CYTH3: variants seen among roughly 807,000 people sequenced by gnomAD.
CYTH3 encodes cytohesin-3.
In CYTH3, 23 loss-of-function variants were observed where a neutral mutation model predicts 55.1. The observed-to-expected ratio is 0.42, with a 90% confidence interval of 0.30 to 0.59. CYTH3 has a LOEUF of 0.59. Ranked by LOEUF, CYTH3 falls within the 20% of genes least tolerant of loss-of-function variation. The probability of loss-of-function intolerance (pLI) is 0.20; values close to 1 mark genes in which losing one functional copy is unlikely to be tolerated. For synonymous variants in CYTH3, 249 were observed against 194.9 expected (o/e 1.28, Z -2.31); for missense variants, 413 against 524.8 (o/e 0.79, Z 2.08).
chr7:6,165,056 GAC>G (rs770821944), intron 12 of CYTH3, 40 bp from the exon 13 acceptor site: 3 of 1,610,138 alleles, frequency 1.9e-6, no homozygotes, highest in African/African-American at 1.3e-5. Flanking sequence ...GGTCGTGGGT[GAC>G]ACACAGACCT....
intron 1 of CYTH3, among the ~76,000 whole-genome samples, chr7:6,191,698 G>A (rs1237910167): frequency 6.7e-6 from 1 of 148,908 alleles, no homozygotes; most frequent in Non-Finnish European, 1.5e-5. Flanking sequence ...TGGGTTCACT[G>A]CACTCAGCCA....
chr7:6,189,183 C>A (rs1175204369), intron 2 of CYTH3, among the ~76,000 whole-genome samples: 1 of 152,232 alleles, frequency 6.6e-6, no homozygotes, highest in Non-Finnish European at 1.5e-5. Flanking sequence ...ATCACAGGCT[C>A]TCCCACGCCG....
intron 1 of CYTH3, among the ~76,000 whole-genome samples, chr7:6,235,518 C>T (rs2128554345): frequency 6.6e-6 from 1 of 151,764 alleles, no homozygotes; most frequent in South Asian, 2.1e-4. Flanking sequence ...AGATCATGCA[C>T]CACATCTCAG....
chr7:6,247,506 C>CA (rs1273225991), intron 1 of CYTH3, among the ~76,000 whole-genome samples: 38 of 152,222 alleles, frequency 2.5e-4, no homozygotes, highest in African/African-American at 9.2e-4. Flanking sequence ...TCTTTACGAA[C>CA]AACATTTATT....
intron 1 of CYTH3, among the ~76,000 whole-genome samples, chr7:6,264,505 G>C (rs575139251): frequency 6.6e-6 from 1 of 151,564 alleles, no homozygotes; most frequent in Non-Finnish European, 1.5e-5. Flanking sequence ...CCAGCTACTC[G>C]GAAGGCTGAG....
chr7:6,204,129 T>G (rs1420799904), intron 1 of CYTH3, among the ~76,000 whole-genome samples: 1 of 152,222 alleles, frequency 6.6e-6, no homozygotes, highest in Non-Finnish European at 1.5e-5. Context: ...AAGGATTCAT[T>G]GCCCCTGGTT....
chr7:6,170,410 G>A lies in CYTH3; in HGVS notation c.823+125C>T, dbSNP rs532783560. The A allele has an allele frequency of 2.3e-6, 2 of 873,958 alleles. No individual in the cohort carries two copies. The highest frequency in any genetic ancestry group is 3.3e-4 in the Middle Eastern group (1 of 3,006). 54.1% of individuals were successfully genotyped at this position (873,958 alleles called of 1,614,324 possible). A position where few individuals can be genotyped will look rare whatever the true frequency, so the allele number is the denominator to read the frequency against. On this transcript the variant is annotated intron_variant, in intron 9 of 12. Coordinates refer to ENST00000350796, the MANE Select transcript of CYTH3 (RefSeq NM_004227.4). The surrounding 1 kb of genome is among the most constrained non-coding windows in gnomAD (Gnocchi z 7.8). The stretch of plus-strand genomic sequence containing the variant: ...ACCGAGAGCGGGCTCTGGCTTAACC[G>A]CGTTTCTTTTTAACGTCTCTGCCTG...
rs1344036592 is a variant in CYTH3, at chr7:6,164,865, A to C, written c.*79T>G. On this transcript the variant is annotated 3_prime_UTR_variant, in exon 13 of 13. Transcript: ENST00000350796. ...ACCGCAGGGCGACTGCCTCCCTGCC[A>C]CGCCTTCCGCGGAGGGGCCGCCCGC... 1 of 1,515,140 alleles carries C rather than the reference A, an allele frequency of 6.6e-7. No individual in the cohort carries two copies. Among genetic ancestry groups the C allele is most frequent in the Admixed American group, 1.7e-5 (1 of 59,494 alleles). 93.9% of individuals were successfully genotyped at this position (1,515,140 alleles called of 1,614,324 possible).
intron 1 of CYTH3, among the ~76,000 whole-genome samples, chr7:6,266,981 G>C (rs1323665069): frequency 2.0e-5 from 3 of 152,208 alleles, no homozygotes; most frequent in African/African-American, 7.2e-5. Context: ...TTGGAGGGGA[G>C]GCGACAGGAT....
At position 6,162,271 on chromosome 7, in the gene CYTH3, G is replaced by C. The variant is rs1191285003; in HGVS notation, c.*2673C>G. 1.3e-5 allele frequency: 2 copies of C among 152,256 alleles called. No individual in the cohort carries two copies. Among genetic ancestry groups the C allele is most frequent in the East Asian group, 3.9e-4 (2 of 5,190 alleles). 9.4% of individuals were successfully genotyped at this position (152,256 alleles called of 1,614,324 possible). A position where few individuals can be genotyped will look rare whatever the true frequency, so the allele number is the denominator to read the frequency against. ...ACAATTAAACTCAAATATGAACCAG[G>C]GCGGCCAGCAAGACAGGCTGGAAGG... On this transcript the variant is annotated 3_prime_UTR_variant, in exon 13 of 13. Coordinates refer to ENST00000350796, the MANE Select transcript of CYTH3 (RefSeq NM_004227.4).
chr7:6,206,527 G>A (rs889628152), intron 1 of CYTH3, among the ~76,000 whole-genome samples: 1 of 152,226 alleles, frequency 6.6e-6, no homozygotes, highest in Admixed American at 6.5e-5. Context: ...TTTCAATTTA[G>A]GCAGTAGATG....
intron 1 of CYTH3, among the ~76,000 whole-genome samples, chr7:6,214,472 A>G (rs1035055272): frequency 3.9e-5 from 6 of 152,210 alleles, no homozygotes; most frequent in Non-Finnish European, 1.5e-5. Flanking sequence ...AATATTACTA[A>G]GTATTCCTAA....
intron 1 of CYTH3, among the ~76,000 whole-genome samples, chr7:6,243,784 G>C (rs144047834): frequency 1.5e-3 from 233 of 152,296 alleles, no homozygotes; most frequent in African/African-American, 5.1e-3. Flanking sequence ...ATGTCTTAAA[G>C]TAACTAACAC....
At chr7:6,168,354 C>T (rs1783071951) in intron 9 of CYTH3, among the ~76,000 whole-genome samples, 2 of 151,978 alleles carry the variant, frequency 1.3e-5, no homozygotes, top group Non-Finnish European at 2.9e-5. Context: ...TTAAGACCAC[C>T]TGTTCTAAAA....
chr7:6,220,865 G>C (rs1047358356), intron 1 of CYTH3, among the ~76,000 whole-genome samples: 1 of 151,900 alleles, frequency 6.6e-6, no homozygotes, highest in African/African-American at 2.4e-5. Flanking sequence ...GCGTGGTGGC[G>C]GGCACCTGTA....
intron 1 of CYTH3, among the ~76,000 whole-genome samples, chr7:6,267,124 T>C (rs973833486): frequency 3.0e-4 from 45 of 152,234 alleles, no homozygotes; most frequent in African/African-American, 1.1e-3. Context: ...TGCCTGATCC[T>C]GCTTCACCTT....
chr7:6,268,147 T>C (rs1195056764), intron 1 of CYTH3, among the ~76,000 whole-genome samples: 1 of 152,050 alleles, frequency 6.6e-6, no homozygotes, highest in African/African-American at 2.4e-5. Context: ...CAATGCACAC[T>C]TTCCTACACT....
Position 6,171,240 on chromosome 7 carries a change from C to T in CYTH3, c.524G>A (p.Arg175His). The part of the protein sequence containing the change: ...IDRMMEAFAS[R>H]YCLCNPGVFQ... The stretch of plus-strand genomic sequence containing the variant: ...GACCCCGGGGTTGCACAGGCAGTAG[C>T]GAGAAGCGAAAGCCTCCATCATGCG... Residue 175 changes from arginine to histidine, a missense_variant, in exon 7 of 13, where the codon CGC becomes CAC. Transcript: ENST00000350796. The surrounding 1 kb of genome is among the most constrained non-coding windows in gnomAD (Gnocchi z 6.7). 3.1e-6 allele frequency: 5 copies of T among 1,614,140 alleles called. No individual in the cohort carries two copies. Among genetic ancestry groups the T allele is most frequent in the South Asian group, 2.2e-5 (2 of 91,086 alleles).
chr7:6,256,940 A>C (rs1231616828), intron 1 of CYTH3, among the ~76,000 whole-genome samples: 2 of 152,236 alleles, frequency 1.3e-5, no homozygotes, highest in Non-Finnish European at 2.9e-5. Flanking sequence ...GAAGGAAAGA[A>C]GGCATTTGAC....
Sources: gnomAD v4.1 joint callset for allele counts (sites outside exome capture counted in the v4.1 genomes callset) on GRCh38, gnomAD v4.1.1 for gene constraint, Gnocchi (gnomAD v3.1) non-coding constraint, MANE v1.5 for transcripts, NCBI Gene and HGNC (gene_info 2026-07-23, HGNC 2026-07-21) for gene names.